NWD2: variants seen among roughly 807,000 people sequenced by gnomAD.
The protein encoded by NWD2 is NACHT and WD repeat domain containing 2, also known as NACHT and WD repeat domain-containing protein 2.
In NWD2, 37 loss-of-function variants were observed where a neutral mutation model predicts 132.7. The observed-to-expected ratio is 0.28, with a 90% CI of 0.21 to 0.37. NWD2 has a LOEUF of 0.37. Ranked by LOEUF, NWD2 falls within the 10% of genes least tolerant of loss-of-function variation. NWD2 has a pLI of 1.00. For missense variants in NWD2, 1,592 were observed against 2,122.4 expected (o/e 0.75, Z 4.91); for synonymous variants, 705 against 803.0 (o/e 0.88, Z 2.06).
At chr4:37,253,147 G>A (rs1394886403) in intron 1 of NWD2, among the ~76,000 whole-genome samples, 4 of 152,100 alleles carry the variant, frequency 2.6e-5, no homozygotes, top group African/African-American at 4.8e-5. Context: ...TCATTACTAT[G>A]TGTTATTGAA....
intron 3 of NWD2, among the ~76,000 whole-genome samples, chr4:37,394,184 T>C (rs1398074728): frequency 6.6e-6 from 1 of 152,236 alleles, no homozygotes; most frequent in Non-Finnish European, 1.5e-5. Flanking sequence ...TAAGTAAATG[T>C]ATAATCTCAC....
intron 1 of NWD2, among the ~76,000 whole-genome samples, chr4:37,279,032 A>G (rs1313764395): frequency 1.3e-5 from 2 of 152,306 alleles, no homozygotes; most frequent in Admixed American, 6.5e-5. Flanking sequence ...CAAAGAAAGA[A>G]TAAAATAAGA....
intron 2 of NWD2, among the ~76,000 whole-genome samples, chr4:37,351,396 G>C (rs1282138118): frequency 6.6e-6 from 1 of 152,034 alleles, no homozygotes; most frequent in African/African-American, 2.4e-5. Flanking sequence ...CTTCTTCCTG[G>C]TTTAGACTTG....
At chr4:37,305,014 A>C (rs995546485) in intron 1 of NWD2, among the ~76,000 whole-genome samples, 1 of 152,108 alleles carries the variant, frequency 6.6e-6, no homozygotes, top group Non-Finnish European at 1.5e-5. Flanking sequence ...AGGCATTTCC[A>C]TACATCCTCT....
At chr4:37,278,577 A>G (rs1577653474) in intron 1 of NWD2, among the ~76,000 whole-genome samples, 1 of 152,184 alleles carries the variant, frequency 6.6e-6, no homozygotes, top group Non-Finnish European at 1.5e-5. Context: ...CTAGAAATCA[A>G]TGAAAAGTGG....
intron 3 of NWD2, among the ~76,000 whole-genome samples, chr4:37,370,718 T>C (rs1720201008): frequency 6.6e-6 from 1 of 152,216 alleles, no homozygotes; most frequent in Non-Finnish European, 1.5e-5. Context: ...AGATACGCTT[T>C]TAAAGAATCT....
intron 5 of NWD2, among the ~76,000 whole-genome samples, chr4:37,434,360 C>T (rs1178823600): frequency 2.0e-5 from 3 of 152,246 alleles, no homozygotes; most frequent in Admixed American, 1.3e-4. Context: ...TGAGTTCCTA[C>T]GTGCCAAGCA....
chr4:37,376,048 G>A (rs1412128456), intron 3 of NWD2, among the ~76,000 whole-genome samples: 1 of 152,096 alleles, frequency 6.6e-6, no homozygotes, highest in Admixed American at 6.5e-5. Flanking sequence ...TTTTAGACAT[G>A]AAGGTCATTA....
intron 6 of NWD2, among the ~76,000 whole-genome samples, chr4:37,440,769 G>A (rs1021164347): frequency 7.2e-5 from 11 of 152,016 alleles, no homozygotes; most frequent in African/African-American, 2.4e-4. Flanking sequence ...TTGGAATGTG[G>A]TATCTGCTGA....
At position 37,439,411 on chromosome 4, in the gene NWD2, G is replaced by T. The variant is rs184981235; in HGVS notation, c.1296+21G>T. ...AGAAGGTAAAAGCCTATTCTTTCCC[G>T]TGTATATTTGTAAAAACTTGTACTT... On this transcript the variant is annotated intron_variant, in intron 6 of 6. Transcript: ENST00000309447. This position sits in a 1 kb window ranked among gnomAD's most constrained non-coding sequence, Gnocchi z 4.5. 28 of 1,367,562 alleles carry T rather than the reference G, an allele frequency of 2.0e-5. No individual in the cohort carries two copies. In the Admixed American group the frequency reaches 2.8e-4, roughly 13 times the overall value. The allele number at this position is 1,367,562 out of a possible 1,614,324, so 84.7% of individuals were successfully genotyped here.
chr4:37,410,661 T>G (rs1487002557), intron 3 of NWD2, among the ~76,000 whole-genome samples: 1 of 152,098 alleles, frequency 6.6e-6, no homozygotes, highest in East Asian at 1.9e-4. Context: ...AGACATCTAC[T>G]GAACTCTCCA....
At position 37,443,369 on chromosome 4, in the gene NWD2, T is replaced by C. The variant is rs1204035979; in HGVS notation, c.1381T>C (p.Ser461Pro). 2 of 1,551,786 alleles carry C rather than the reference T, an allele frequency of 1.3e-6. No homozygotes were observed. The highest frequency in any genetic ancestry group is 1.7e-6 in the Non-Finnish European group (2 of 1,147,048). ...VRFLGTTDMS[S>P]DLRTLLLSVC... ...ATTTCTAGGAACGACAGACATGAGC[T>C]CTGACCTTAGGACTCTCCTTCTAAG... Residue 461 changes from serine (S) to proline (P), a missense_variant, in exon 7 of 7, where the codon TCT becomes CCT. Ser to Pro is a moderately conservative substitution (Grantham distance 74). This residue lies in a region of NWD2 where 1,071 missense variants were observed against 1,398.0 expected (regional missense o/e 0.77). Transcript: ENST00000309447. The surrounding 1 kb of genome is among the most constrained non-coding windows in gnomAD (Gnocchi z 4.1).
intron 1 of NWD2, among the ~76,000 whole-genome samples, chr4:37,266,494 G>A (rs780501539): frequency 2.6e-5 from 4 of 152,052 alleles, no homozygotes; most frequent in Non-Finnish European, 4.4e-5. Flanking sequence ...GTCTCCTTCA[G>A]CTAGAGTTTG....
intron 3 of NWD2, among the ~76,000 whole-genome samples, chr4:37,393,948 A>G (rs1174716688): frequency 6.6e-6 from 1 of 152,220 alleles, no homozygotes; most frequent in Non-Finnish European, 1.5e-5. Context: ...AATGGCAAAG[A>G]TGGACCTGCA....
intron 2 of NWD2, among the ~76,000 whole-genome samples, chr4:37,350,018 G>A: frequency 6.6e-6 from 1 of 152,108 alleles, no homozygotes; most frequent in East Asian, 1.9e-4. Flanking sequence ...TTATTTCTGA[G>A]GCCTCTTTCC....
chr4:37,262,944 A>G (rs1361472709), intron 1 of NWD2, among the ~76,000 whole-genome samples: 2 of 152,086 alleles, frequency 1.3e-5, no homozygotes, highest in Non-Finnish European at 2.9e-5. Context: ...AACCTGCTAA[A>G]AATTATTTGA....
chr4:37,309,136 C>A (rs1314672315), intron 1 of NWD2, among the ~76,000 whole-genome samples: 1 of 152,182 alleles, frequency 6.6e-6, no homozygotes, highest in Non-Finnish European at 1.5e-5. Flanking sequence ...TCCTTGAGTT[C>A]CTGATGGAGA....
At chr4:37,292,480 G>A (rs555786775) in intron 1 of NWD2, among the ~76,000 whole-genome samples, 23 of 152,152 alleles carry the variant, frequency 1.5e-4, no homozygotes, top group Admixed American at 2.0e-4. Context: ...GGACTTCCCC[G>A]TTTCCAGAAC....
rs147949922 is a variant in NWD2 at position 37,408,887 on chromosome 4, G to A, written c.358-21685G>A. ...CTCCACTAGTGATACCCAGGCAAAC[G>A]GGGTCAGGAGTGAACCTCCAGCAAA... is the stretch of plus-strand genomic sequence containing the variant. On this transcript the variant is annotated intron_variant, in intron 3 of 6. Transcript: ENST00000309447. Among the ~76,000 whole-genome samples the A allele has an allele frequency of 1.1e-3, 172 of 152,256 alleles. 4 individuals carry two copies. The East Asian group carries it at 0.029, about 26-fold the overall frequency.
Sources: gnomAD v4.1 joint callset for allele counts (sites outside exome capture counted in the v4.1 genomes callset) on GRCh38, gnomAD v4.1.1 for gene constraint, gnomAD v4.1.1 regional missense constraint, Gnocchi (gnomAD v3.1) non-coding constraint, MANE v1.5 for transcripts, NCBI Gene and HGNC (gene_info 2026-07-23, HGNC 2026-07-21) for gene names.